The following ADAMTSL2 variants were observed in gnomAD, a reference collection of about 807,000 sequenced individuals.
The protein encoded by ADAMTSL2 is ADAMTS like 2.
A neutral mutation model predicts 117.0 loss-of-function variants in ADAMTSL2; 55 were observed. That is an observed-to-expected ratio of 0.47 (90% CI 0.38 to 0.59). ADAMTSL2 has a LOEUF of 0.59. Among genes scored for constraint, ADAMTSL2 ranks in the 20% least tolerant of loss-of-function variants. The pLI, the probability that ADAMTSL2 is intolerant of heterozygous loss-of-function variation, is 0.00. For missense variants in ADAMTSL2, 1,182 were observed against 1,354.5 expected (o/e 0.87, Z 2.00); for synonymous variants, 572 against 566.4 (o/e 1.01, Z -0.14).
At position 133,555,540 on chromosome 9, in the gene ADAMTSL2, C is replaced by T; in HGVS notation, c.1277-18C>T. On this transcript the variant is annotated intron_variant, in intron 10 of 18. Transcript: ENST00000651351. ...GGCTCGGATGTGCCCACGGTTGAGC[C>T]ACCTGTCTCCTCTCCAGACCGCAAC... is the stretch of plus-strand genomic sequence containing the variant. 3.1e-6 allele frequency: 5 copies of T among 1,612,932 alleles called. No individual in the cohort carries two copies. The highest frequency in any genetic ancestry group is 3.4e-6 in the Non-Finnish European group (4 of 1,180,018).
At chr9:133,542,086 C>T (rs28520600) in intron 7 of ADAMTSL2, among the ~76,000 whole-genome samples, 39,585 of 152,044 alleles carry the variant, frequency 0.26, 5,664 homozygotes, top group African/African-American at 0.35. Context: ...GTTAGGGCCA[C>T]GGAGGACCCG....
chr9:133,570,217 C>T lies in ADAMTSL2; in HGVS notation c.2416-114C>T, dbSNP rs1831072169. On this transcript the variant is annotated intron_variant, in intron 16 of 18. Transcript: ENST00000651351. ...CCAGCCAGTTTGTTATGCACTGGAG[C>T]ATTCTCACCCAATTGCTATTGACCA... is the stretch of plus-strand genomic sequence containing the variant. The T allele has an allele frequency of 2.5e-6, 3 of 1,177,490 alleles. No individual in the cohort carries two copies. The Admixed American group carries it at 6.5e-5, about 26-fold the overall frequency. The allele number at this position is 1,177,490 out of a possible 1,614,324, so 72.9% of individuals were successfully genotyped here.
chr9:133,560,918 C>T (rs938316498), intron 11 of ADAMTSL2, among the ~76,000 whole-genome samples: 26 of 152,296 alleles, frequency 1.7e-4, no homozygotes, highest in Non-Finnish European at 3.2e-4. Flanking sequence ...CTCAGGCCAC[C>T]CCTCCCCTCC....
chr9:133,554,539 C>A lies in ADAMTSL2; in HGVS notation c.1122C>A (p.Ala374=), dbSNP rs1564503314. 8 of 1,549,172 alleles carry A rather than the reference C, an allele frequency of 5.2e-6. No individual in the cohort carries two copies. Among genetic ancestry groups the A allele is most frequent in the East Asian group, 4.9e-5 (2 of 41,082 alleles). ...VPHNGSLYGQ[A]SSERLGLDNR... The stretch of plus-strand genomic sequence containing the variant: ...ACAACGGCTCCCTCTACGGCCAGGC[C>A]TCCTCAGAGCGGCTGGGCCTGGACA... The change falls in exon 10 of 19, where the codon GCC becomes GCA. Residue 374 remains alanine, a synonymous_variant. Coordinates refer to ENST00000651351, the MANE Select transcript of ADAMTSL2 (RefSeq NM_014694.4). The surrounding 1 kb of genome is among the most constrained non-coding windows in gnomAD (Gnocchi z 5.2).
At chr9:133,561,427 T>C in intron 12 of ADAMTSL2, 132 bp downstream of exon 12, 1 of 789,736 alleles carries the variant, frequency 1.3e-6, no homozygotes, top group South Asian at 1.5e-5. Context: ...CGTGGCCTCC[T>C]GACTTGGGGG....
rs776658190 is a variant in ADAMTSL2, at chr9:133,557,494, G to C, written c.1649+1564G>C. On this transcript the variant is annotated intron_variant, in intron 11 of 18. Coordinates refer to ENST00000651351, the MANE Select transcript of ADAMTSL2 (RefSeq NM_014694.4). This position sits in a 1 kb window ranked among gnomAD's most constrained non-coding sequence, Gnocchi z 5.2. ...GGCCTGTGGCTGGTTCTCAGGACTC[G>C]GGCGGGGAGGGCCGGGCCTTGCTTT... 5.3e-5 allele frequency among the ~76,000 whole-genome samples: 8 copies of C among 152,262 alleles called. No homozygotes were observed. The highest frequency in any genetic ancestry group is 1.0e-4 in the Non-Finnish European group (7 of 68,018).
At chr9:133,568,202 G>A in intron 13 of ADAMTSL2, 71 bp from the exon 14 acceptor site, 1 of 1,469,144 alleles carries the variant, frequency 6.8e-7, no homozygotes, top group Non-Finnish European at 9.2e-7. Flanking sequence ...CGTTGTCTCT[G>A]GGGGTGTGGG....
chr9:133,539,959 G>C (rs1031830788), intron 5 of ADAMTSL2, 86 bp downstream of exon 5: 27 of 1,258,488 alleles, frequency 2.1e-5, no homozygotes, highest in Non-Finnish European at 3.0e-5. Context: ...CAAACTCGAC[G>C]GGTGGGCAGG....
At chr9:133,570,182 C>A in intron 16 of ADAMTSL2, 149 bp from the exon 17 acceptor site, 2 of 879,230 alleles carry the variant, frequency 2.3e-6, no homozygotes, top group Non-Finnish European at 3.4e-6. Context: ...GGTTATCGAA[C>A]AAAGAGTTTC....
chr9:133,562,585 G>A (rs1228603479), intron 12 of ADAMTSL2, among the ~76,000 whole-genome samples: 2 of 109,292 alleles, frequency 1.8e-5, no homozygotes, highest in Admixed American at 1.6e-4. Flanking sequence ...TGCTGGGCCC[G>A]GCTCGCACCG....
At chr9:133,532,729 G>T (rs1177060478), upstream of ADAMTSL2, among the ~76,000 whole-genome samples, 1 of 152,170 alleles carries the variant, frequency 6.6e-6, no homozygotes, top group African/African-American at 2.4e-5. Flanking sequence ...CACCTGCTAC[G>T]TGCCAGTCAT....
At position 133,555,952 on chromosome 9, in the gene ADAMTSL2, C is replaced by A. The variant is rs949869443; in HGVS notation, c.1649+22C>A. 188 of 1,606,996 alleles carry A rather than the reference C, an allele frequency of 1.2e-4. 1 individual carries two copies. In the Middle Eastern group the frequency reaches 2.3e-3, roughly 20 times the overall value. ...CCAGGTAGGAGGCACTTTCCTGAGC[C>A]CTGTCCAGGGCCCTCAGGGGGCAGG... On this transcript the variant is annotated intron_variant, in intron 11 of 18. Transcript: ENST00000651351.
chr9:133,554,512 G>T lies in ADAMTSL2; in HGVS notation c.1095G>T (p.Pro365=), dbSNP rs776340163. ...LDGAGLMGFV[P]HNGSLYGQAS... is the part of the protein sequence containing the mutation. The stretch of plus-strand genomic sequence containing the variant: ...GGGCCGGGCTGATGGGCTTCGTCCC[G>T]CACAACGGCTCCCTCTACGGCCAGG... Residue 365 remains proline (P), a synonymous_variant, in exon 10 of 19, where the codon CCG becomes CCT. Coordinates refer to ENST00000651351, the MANE Select transcript of ADAMTSL2 (RefSeq NM_014694.4). This position sits in a 1 kb window ranked among gnomAD's most constrained non-coding sequence, Gnocchi z 5.2. The T allele has an allele frequency of 6.5e-7, 1 of 1,549,836 alleles. No individual in the cohort carries two copies. Among genetic ancestry groups the T allele is most frequent in the Non-Finnish European group, 8.7e-7 (1 of 1,147,272 alleles).
At chr9:133,559,698 A>G (rs1356412730) in intron 11 of ADAMTSL2, among the ~76,000 whole-genome samples, 1 of 151,918 alleles carries the variant, frequency 6.6e-6, no homozygotes, top group African/African-American at 2.4e-5. Context: ...AAGAGGGAGG[A>G]GAAGGCACTC....
intron 15 of ADAMTSL2, 43 bp from the exon 16 acceptor site, chr9:133,569,362 TGGC>T: frequency 6.2e-7 from 1 of 1,600,746 alleles, no homozygotes; most frequent in South Asian, 1.1e-5. Flanking sequence ...CCTCCTGGTG[TGGC>T]TGCCTCTCAC....
At chr9:133,547,322 C>T (rs899585402) in intron 9 of ADAMTSL2, 109 bp downstream of exon 9, 14 of 1,103,176 alleles carry the variant, frequency 1.3e-5, no homozygotes, top group South Asian at 2.9e-5. Context: ...GGCCACTGTG[C>T]GCGTGCACCC....
In ADAMTSL2 at chr9:133,575,161, C is replaced by T. The variant is rs1831200730; in HGVS notation, c.*297C>T. 1.3e-5 allele frequency: 6 copies of T among 446,620 alleles called. No individual in the cohort carries two copies. The South Asian group carries it at 1.4e-4, about 10-fold the overall frequency. The allele number at this position is 446,620 out of a possible 1,614,324, so 27.7% of individuals were successfully genotyped here. A position where few individuals can be genotyped will look rare whatever the true frequency, so the allele number is the denominator to read the frequency against. ...CTCCCACTCCCCAGCCCCCCAGCAG[C>T]CCCCAGCCGAGGGGCCCAGGGCCCA... is the stretch of plus-strand genomic sequence containing the variant. On this transcript the variant is annotated 3_prime_UTR_variant, in exon 19 of 19. Transcript: ENST00000651351.
chr9:133,566,982 G>C lies in ADAMTSL2; in HGVS notation c.1794G>C (p.Glu598Asp). ...YAMCVRYDGV[E>D]VDDSYCDALT... is the part of the protein sequence containing the mutation. ...TGTGTGTCCGCTATGATGGCGTCGA[G>C]GTGGATGACAGCTACTGTGACGCCC... The change falls in exon 13 of 19, where the codon GAG (glutamate) becomes GAC (aspartate). Residue 598 changes from glutamate to aspartate, a missense_variant. Glu to Asp is a conservative substitution (Grantham distance 45). Coordinates refer to ENST00000651351, the MANE Select transcript of ADAMTSL2 (RefSeq NM_014694.4). The C allele has an allele frequency of 6.2e-7, 1 of 1,611,492 alleles. No homozygotes were observed. Among genetic ancestry groups the C allele is most frequent in the African/African-American group, 1.3e-5 (1 of 75,026 alleles).
chr9:133,556,244 T>G (rs1374569128), intron 11 of ADAMTSL2, among the ~76,000 whole-genome samples: 2 of 152,238 alleles, frequency 1.3e-5, no homozygotes, highest in African/African-American at 4.8e-5. Flanking sequence ...TGAGCATGCC[T>G]TGTGAGCCAG....
Sources: allele counts gnomAD v4.1 joint callset (sites outside exome capture counted in the v4.1 genomes callset), GRCh38; gene constraint gnomAD v4.1.1; non-coding constraint Gnocchi (gnomAD v3.1); transcripts MANE v1.5; gene names NCBI Gene and HGNC (gene_info 2026-07-23, HGNC 2026-07-21).